The following SCIN variants were observed in gnomAD, a reference collection of about 807,000 sequenced individuals.
SCIN encodes scinderin.
In SCIN, 91 loss-of-function variants were observed where a neutral mutation model predicts 91.8. That is an observed-to-expected ratio of 0.99 (90% CI 0.84 to 1.18). The LOEUF is 1.18. Ranked by LOEUF, SCIN falls within the 50% of genes most tolerant of loss-of-function variation. The probability of loss-of-function intolerance (pLI) is 0.00; values close to 1 mark genes in which losing one functional copy is unlikely to be tolerated. For synonymous variants in SCIN, 367 were observed against 312.6 expected (o/e 1.17, Z -1.84); for missense variants, 1,087 against 863.9 (o/e 1.26, Z -3.24).
At chr7:12,604,755 G>A (rs780477864) in intron 4 of SCIN, 92 bp downstream of exon 4, 3 of 1,069,750 alleles carry the variant, frequency 2.8e-6, no homozygotes, top group South Asian at 1.9e-5. Flanking sequence ...AGCAGGGTGG[G>A]GAAGAAGGGG....
chr7:12,635,757 A>G lies in SCIN; in HGVS notation c.1320-288A>G, dbSNP rs28491279. On this transcript the variant is annotated intron_variant, in intron 9 of 15. Coordinates refer to ENST00000297029, the MANE Select transcript of SCIN (RefSeq NM_001112706.3). ...GTTTTCTAAAAAGCAGGCAGCTCCA[A>G]CTTAAAATCAGGTGAACCCAATTAC... is the stretch of plus-strand genomic sequence containing the variant. Among the ~76,000 whole-genome samples the G allele has an allele frequency of 5.0e-3, 767 of 152,082 alleles. 9 individuals are homozygous for G. The highest frequency in any genetic ancestry group is 0.017 in the African/African-American group (719 of 41,494).
At chr7:12,605,694 G>T (rs1171112276) in intron 4 of SCIN, among the ~76,000 whole-genome samples, 1 of 152,108 alleles carries the variant, frequency 6.6e-6, no homozygotes, top group African/African-American at 2.4e-5. Context: ...TTCAGACTTT[G>T]GAGTATTTCT....
At chr7:12,593,277 G>A (rs552660309) in intron 3 of SCIN, among the ~76,000 whole-genome samples, 3 of 152,288 alleles carry the variant, frequency 2.0e-5, no homozygotes, top group Admixed American at 2.0e-4. Context: ...CTGGTATTTA[G>A]CACGATCTCT....
At chr7:12,595,179 G>T (rs1782814532) in intron 3 of SCIN, among the ~76,000 whole-genome samples, 1 of 152,156 alleles carries the variant, frequency 6.6e-6, no homozygotes, top group East Asian at 1.9e-4. Context: ...ATCCTGCTGA[G>T]CTGCTCCACC....
intron 2 of SCIN, 84 bp downstream of exon 2, chr7:12,578,302 G>A (rs1012686980): frequency 1.9e-5 from 24 of 1,271,296 alleles, no homozygotes; most frequent in African/African-American, 1.2e-4. Context: ...ATGACAGTTC[G>A]TTGAGGGCAG....
At chr7:12,607,315 T>C (rs1783098293) in intron 4 of SCIN, among the ~76,000 whole-genome samples, 1 of 152,210 alleles carries the variant, frequency 6.6e-6, no homozygotes, top group African/African-American at 2.4e-5. Flanking sequence ...CATTTGCCAC[T>C]TGTAGTCTGT....
intron 5 of SCIN, 78 bp downstream of exon 5, chr7:12,622,971 C>T (rs936511454): frequency 3.0e-6 from 3 of 986,722 alleles, no homozygotes; most frequent in Admixed American, 2.1e-5. Flanking sequence ...GCGGGATTCC[C>T]GTTGCTGCAG....
Position 12,654,018 on chromosome 7 carries a change from G to A in SCIN, c.*1303G>A, listed in dbSNP as rs1184729947. Reference sequence around the variant, plus strand: ...TTGCATTATCTACTAATCTATATAGGTCATTGAAAAAGAAGAAGCTACGTT... The same window carrying A: ...TTGCATTATCTACTAATCTATATAGATCATTGAAAAAGAAGAAGCTACGTT... On this transcript the variant is annotated 3_prime_UTR_variant, in exon 16 of 16. Transcript: ENST00000297029. 2 of 151,886 alleles carry A rather than the reference G, an allele frequency of 1.3e-5. No individual in the cohort carries two copies. Among genetic ancestry groups the A allele is most frequent in the Non-Finnish European group, 2.9e-5 (2 of 67,998 alleles). The allele number at this position is 151,886 out of a possible 1,614,324, so 9.4% of individuals were successfully genotyped here.
chr7:12,604,903 C>A (rs1397838982), intron 4 of SCIN, among the ~76,000 whole-genome samples: 1 of 152,102 alleles, frequency 6.6e-6, no homozygotes, highest in Non-Finnish European at 1.5e-5. Context: ...ATCAAAGGAG[C>A]CCTGGGCCTA....
At chr7:12,582,789 C>T (rs1219489603) in intron 3 of SCIN, among the ~76,000 whole-genome samples, 1 of 152,092 alleles carries the variant, frequency 6.6e-6, no homozygotes, top group Non-Finnish European at 1.5e-5. Context: ...ATAAATAACT[C>T]GTGCACATAA....
At position 12,659,681 on chromosome 7, in the gene SCIN, G is replaced by A. The variant is rs1201800047; in HGVS notation, c.*6966G>A. On this transcript the variant is annotated 3_prime_UTR_variant, in exon 16 of 16. Coordinates refer to ENST00000297029, the MANE Select transcript of SCIN (RefSeq NM_001112706.3). ...GTCCCTAGTCTGAGCCATATTTAGTGTCTTGAAAGAGCCACAGTGGCTGGC... is the reference window on the plus strand; with the variant it reads ...GTCCCTAGTCTGAGCCATATTTAGTATCTTGAAAGAGCCACAGTGGCTGGC... 1 of 152,948 alleles carries A rather than the reference G, an allele frequency of 6.5e-6. No homozygotes were observed. Among genetic ancestry groups the A allele is most frequent in the African/African-American group, 2.4e-5 (1 of 41,456 alleles). 9.5% of individuals were successfully genotyped at this position (152,948 alleles called of 1,614,324 possible).
At chr7:12,616,214 G>T (rs1036953842) in intron 4 of SCIN, among the ~76,000 whole-genome samples, 1 of 152,102 alleles carries the variant, frequency 6.6e-6, no homozygotes, top group Non-Finnish European at 1.5e-5. Context: ...CTGTAGTGAA[G>T]CCCCAGCGGT....
At chr7:12,615,658 A>T (rs1439184758) in intron 4 of SCIN, among the ~76,000 whole-genome samples, 1 of 152,048 alleles carries the variant, frequency 6.6e-6, no homozygotes, top group Admixed American at 6.6e-5. Flanking sequence ...TCAGCCCTTC[A>T]TCCAAATTAC....
At chr7:12,626,052 T>C (rs922891300) in intron 7 of SCIN, 4 of 520,018 alleles carry the variant, frequency 7.7e-6, no homozygotes, top group East Asian at 3.2e-5. Context: ...CATCAGACTT[T>C]CCATAGAGCT....
At chr7:12,593,874 C>T (rs1388481420) in intron 3 of SCIN, among the ~76,000 whole-genome samples, 4 of 152,296 alleles carry the variant, frequency 2.6e-5, no homozygotes, top group Non-Finnish European at 4.4e-5. Context: ...CACACTCTTT[C>T]CTTCTCTTCT....
chr7:12,587,993 A>G (rs1197264965), intron 3 of SCIN, among the ~76,000 whole-genome samples: 1 of 152,216 alleles, frequency 6.6e-6, no homozygotes, highest in Non-Finnish European at 1.5e-5. Flanking sequence ...TAGCAAAATC[A>G]AATTTCTTTT....
intron 4 of SCIN, among the ~76,000 whole-genome samples, chr7:12,620,852 GAA>G (rs1231082997): frequency 1.3e-5 from 2 of 152,064 alleles, no homozygotes; most frequent in East Asian, 3.8e-4. Flanking sequence ...GAAAGTAATT[GAA>G]AGAGGAGCTC....
chr7:12,578,909 G>GTTTTTTTTTTGTTTTT, intron 2 of SCIN, among the ~76,000 whole-genome samples: 1 of 85,904 alleles, frequency 1.2e-5, no homozygotes, highest in African/African-American at 5.1e-5. Flanking sequence ...TATAGGACAG[G>GTTTTTTTTTTGTTTTT]TTTTTTTTTT....
rs1312675696 is a variant in SCIN, at chr7:12,577,851, C to G, written c.200-213C>G. ...AGGCTTAGCAACAGAGCAACACCCT[C>G]TCTCAAAAAAAAAAAAAATAGACTA... On this transcript the variant is annotated intron_variant, in intron 1 of 15. Coordinates refer to ENST00000297029, the MANE Select transcript of SCIN (RefSeq NM_001112706.3). 3 of 444,046 alleles carry G rather than the reference C, an allele frequency of 6.8e-6. No homozygotes were observed. The Admixed American group carries it at 1.3e-4, about 19-fold the overall frequency. 27.5% of individuals were successfully genotyped at this position (444,046 alleles called of 1,614,324 possible). A position where few individuals can be genotyped will look rare whatever the true frequency, so the allele number is the denominator to read the frequency against.
Sources: gnomAD v4.1 joint callset for allele counts (sites outside exome capture counted in the v4.1 genomes callset) on GRCh38, gnomAD v4.1.1 for gene constraint, MANE v1.5 for transcripts, NCBI Gene and HGNC (gene_info 2026-07-23, HGNC 2026-07-21) for gene names.